CDK13: variants seen among roughly 807,000 people sequenced by gnomAD.
CDK13 encodes the protein cyclin-dependent kinase 13.
In CDK13, 40 loss-of-function variants were observed where a neutral mutation model predicts 137.6. That is an observed-to-expected ratio of 0.29 (90% CI 0.23 to 0.38). The LOEUF (loss-of-function observed/expected upper bound fraction) is 0.38, where lower values mean the gene tolerates loss of function less well. Ranked by LOEUF, CDK13 falls within the 10% of genes least tolerant of loss-of-function variation. The pLI, the probability that CDK13 is intolerant of heterozygous loss-of-function variation, is 1.00. For missense variants in CDK13, 1,704 were observed against 1,951.8 expected (o/e 0.87, Z 2.39); for synonymous variants, 869 against 760.1 (o/e 1.14, Z -2.36).
intron 1 of CDK13, among the ~76,000 whole-genome samples, chr7:39,979,285 C>T (rs1488913358): frequency 6.2e-5 from 9 of 145,088 alleles, no homozygotes; most frequent in Non-Finnish European, 1.3e-4. Context: ...GGCATGATCT[C>T]GGTTCACCGC....
rs187910281 is a variant in CDK13, at chr7:39,979,700, C to A, written c.1212-7899C>A. ...TTCAATCTCTGACTGTTACACCTTA[C>A]ATTTTAAGAGGAACTTCGTAGATAT... On this transcript the variant is annotated intron_variant, in intron 1 of 13. Transcript: ENST00000181839. Among the ~76,000 whole-genome samples the A allele has an allele frequency of 3.9e-4, 60 of 152,228 alleles. 1 individual carries two copies. The South Asian group carries it at 0.012, about 30-fold the overall frequency.
At chr7:40,084,050 G>A (rs574466902) in intron 11 of CDK13, among the ~76,000 whole-genome samples, 6 of 152,174 alleles carry the variant, frequency 3.9e-5, no homozygotes, top group South Asian at 4.1e-4. Flanking sequence ...TTTAAAAATC[G>A]GAAATAGGCT....
rs1330543192 is a variant in CDK13, at chr7:39,979,841, GT to G, written c.1212-7757del. 1.5e-4 allele frequency among the ~76,000 whole-genome samples: 23 copies of G among 152,142 alleles called. 1 individual carries two copies. The highest frequency in any genetic ancestry group is 3.1e-4 in the Non-Finnish European group (21 of 68,028). Reference sequence around the variant, plus strand: ...TGTAGGGTCTAGTCAGAGAACTCACGTGATGACAGGAATAGGAGAGAGAAAA... The same window carrying G: ...TGTAGGGTCTAGTCAGAGAACTCACGGATGACAGGAATAGGAGAGAGAAAA... On this transcript the variant is annotated intron_variant, in intron 1 of 13. Coordinates refer to ENST00000181839, the MANE Select transcript of CDK13 (RefSeq NM_003718.5).
At position 40,049,928 on chromosome 7, in the gene CDK13, A is replaced by AGACTTGAATAGTATTTCATTT. The variant is rs571074447; in HGVS notation, c.2600+2071_2600+2072insTGACTTGAATAGTATTTCATT. On this transcript the variant is annotated intron_variant, in intron 7 of 13. Transcript: ENST00000181839. ...ATGACAGGATTTCCTTGTTTTTTAA[A>AGACTTGAATAGTATTTCATTT]GACTTGAATAGTATTTCATTGTGCG... Among the ~76,000 whole-genome samples the AGACTTGAATAGTATTTCATTT allele has an allele frequency of 3.8e-3, 577 of 152,294 alleles. 1 individual carries two copies. The highest frequency in any genetic ancestry group is 0.012 in the African/African-American group (512 of 41,562).
At chr7:40,037,884 C>T (rs1031652109) in intron 5 of CDK13, among the ~76,000 whole-genome samples, 6 of 152,076 alleles carry the variant, frequency 3.9e-5, no homozygotes, top group African/African-American at 1.2e-4. Flanking sequence ...TTAAAATATA[C>T]CCCCCAGCTG....
At chr7:39,983,295 G>GT (rs1472053723) in intron 1 of CDK13, among the ~76,000 whole-genome samples, 1 of 152,126 alleles carries the variant, frequency 6.6e-6, no homozygotes, top group Non-Finnish European at 1.5e-5. Context: ...CCCATTGCTT[G>GT]TTTTTTCAGT....
At chr7:39,985,431 C>G (rs182243364) in intron 1 of CDK13, 1 of 154,230 alleles carries the variant, frequency 6.5e-6, no homozygotes, top group Non-Finnish European at 1.4e-5. Flanking sequence ...CTGCAATAAA[C>G]ATGGGAGTGC....
intron 11 of CDK13, among the ~76,000 whole-genome samples, chr7:40,080,401 G>A (rs1786640529): frequency 6.6e-6 from 1 of 152,122 alleles, no homozygotes; most frequent in African/African-American, 2.4e-5. Flanking sequence ...GAACAGACAT[G>A]GGCTCTGGAG....
intron 11 of CDK13, among the ~76,000 whole-genome samples, chr7:40,081,942 T>C (rs1354697299): frequency 2.0e-5 from 3 of 152,036 alleles, no homozygotes; most frequent in South Asian, 2.1e-4. Flanking sequence ...AAAGAAAAAA[T>C]TAGTAAATTT....
rs1376358248 is a variant in CDK13 at position 39,951,553 on chromosome 7, G to A, written c.912G>A (p.Lys304=). 1 of 1,538,642 alleles carries A rather than the reference G, an allele frequency of 6.5e-7. No homozygotes were observed. The highest frequency in any genetic ancestry group is 8.7e-7 in the Non-Finnish European group (1 of 1,145,292). ...KEPPKAYRED[K]TEPKAYRRRR... The stretch of plus-strand genomic sequence containing the variant: ...CGCCCAAGGCCTACCGGGAGGACAA[G>A]ACCGAGCCTAAGGCCTACAGGCGGC... The change falls in exon 1 of 14, where the codon AAG becomes AAA. Residue 304 remains lysine, a synonymous_variant. Coordinates refer to ENST00000181839, the MANE Select transcript of CDK13 (RefSeq NM_003718.5).
chr7:39,951,612 A>C lies in CDK13; in HGVS notation c.971A>C (p.Asp324Ala). 6.7e-7 allele frequency: 1 copy of C among 1,482,260 alleles called. No individual in the cohort carries two copies. Among genetic ancestry groups the C allele is most frequent in the Non-Finnish European group, 8.9e-7 (1 of 1,119,724 alleles). 91.8% of individuals were successfully genotyped at this position (1,482,260 alleles called of 1,614,324 possible). A position where few individuals can be genotyped will look rare whatever the true frequency, so the allele number is the denominator to read the frequency against. Reference protein sequence around the residue: ...RSLSPLGGRDDSPVSHRASQS... With the variant: ...RSLSPLGGRDASPVSHRASQS... ...CTCAGCCCACTGGGAGGCCGGGACG[A>C]CAGCCCGGTGTCCCACAGGGCCTCT... is the stretch of plus-strand genomic sequence containing the variant. Residue 324 changes from aspartate to alanine, a missense_variant, in exon 1 of 14, where the codon GAC becomes GCC. Coordinates refer to ENST00000181839, the MANE Select transcript of CDK13 (RefSeq NM_003718.5).
rs58010602 is a variant in CDK13 at position 40,024,645 on chromosome 7, G to GTTTTTTT, written c.2354-21164_2354-21158dup. Among the ~76,000 whole-genome samples, 117 of 50,276 alleles carry GTTTTTTT rather than the reference G, an allele frequency of 2.3e-3. 24 individuals are homozygous for GTTTTTTT. The highest frequency in any genetic ancestry group is 9.4e-3 in the African/African-American group (112 of 11,962). The allele number at this position is 50,276 out of a possible 152,430, so 33.0% of individuals were successfully genotyped here. A position where few individuals can be genotyped will look rare whatever the true frequency, so the allele number is the denominator to read the frequency against. ...TCTTCCAAGATATCTGTAGCTCTGT[G>GTTTTTTT]TTTTTTTTTTTTTTTTTTTTTTTTT... On this transcript the variant is annotated intron_variant, in intron 5 of 13. Coordinates refer to ENST00000181839, the MANE Select transcript of CDK13 (RefSeq NM_003718.5).
chr7:40,024,409 G>A (rs1244286556), intron 5 of CDK13, among the ~76,000 whole-genome samples: 1 of 152,068 alleles, frequency 6.6e-6, no homozygotes, highest in Non-Finnish European at 1.5e-5. Flanking sequence ...GAATTTTCTC[G>A]CCACTTTATA....
At chr7:40,048,882 T>A (rs995814352) in intron 7 of CDK13, 3 of 151,176 alleles carry the variant, frequency 2.0e-5, no homozygotes, top group Non-Finnish European at 4.4e-5. Context: ...TTGGATCTAT[T>A]CAAGTTCCAT....
Position 39,988,104 on chromosome 7 carries a change from A to G in CDK13, c.1717A>G (p.Thr573Ala), listed in dbSNP as rs1476242721. ...TGGAAAGGAGAGTAAATCTGCTGCT[A>G]CAAAGGAGGAATCAGTATCTCTTAA... ...IVGKESKSAA[T>A]KEESVSLKEK... The change falls in exon 2 of 14, where the codon ACA (threonine) becomes GCA (alanine). Residue 573 changes from threonine to alanine, a missense_variant. Coordinates refer to ENST00000181839, the MANE Select transcript of CDK13 (RefSeq NM_003718.5). 1 of 1,614,152 alleles carries G rather than the reference A, an allele frequency of 6.2e-7. No homozygotes were observed. The highest frequency in any genetic ancestry group is 1.3e-5 in the African/African-American group (1 of 75,036).
At chr7:40,008,249 C>A (rs111709141) in intron 5 of CDK13, among the ~76,000 whole-genome samples, 14 of 152,262 alleles carry the variant, frequency 9.2e-5, no homozygotes, top group African/African-American at 3.1e-4. Flanking sequence ...TACATAAAAT[C>A]AAAAGTTTAG....
At chr7:39,976,323 T>TCTCACACACACACACACACACACACA in intron 1 of CDK13, among the ~76,000 whole-genome samples, 4 of 39,582 alleles carry the variant, frequency 1.0e-4, no homozygotes, top group Admixed American at 3.2e-4. Flanking sequence ...TCTCTCTCTC[T>TCTCACACACACACACACACACACACA]CACACACACA....
In CDK13 at chr7:39,950,810, C is replaced by T. The variant is rs1318948420; in HGVS notation, c.169C>T (p.Pro57Ser). The part of the protein sequence containing the change: ...QLLQPPPPPP[P>S]LLFLAAPGTA... The stretch of plus-strand genomic sequence containing the variant: ...CCTGCAACCGCCGCCGCCCCCGCCG[C>T]CTCTGCTCTTCCTGGCTGCTCCCGG... The change falls in exon 1 of 14, where the codon CCT becomes TCT. Residue 57 changes from proline to serine, a missense_variant. This residue lies in a region of CDK13 where 1,051 missense variants were observed against 931.0 expected (regional missense o/e 1.13). Coordinates refer to ENST00000181839, the MANE Select transcript of CDK13 (RefSeq NM_003718.5). 2.7e-6 allele frequency: 4 copies of T among 1,455,238 alleles called. No homozygotes were observed. Among genetic ancestry groups the T allele is most frequent in the African/African-American group, 3.0e-5 (2 of 67,644 alleles). The allele number at this position is 1,455,238 out of a possible 1,614,324, so 90.1% of individuals were successfully genotyped here.
At chr7:39,969,717 G>A (rs1783953100) in intron 1 of CDK13, among the ~76,000 whole-genome samples, 3 of 151,818 alleles carry the variant, frequency 2.0e-5, no homozygotes, top group Admixed American at 6.6e-5. Context: ...TAGTGGATGT[G>A]TATTGGTATC....
Sources: gnomAD v4.1 joint callset for allele counts (sites outside exome capture counted in the v4.1 genomes callset) on GRCh38, gnomAD v4.1.1 for gene constraint, gnomAD v4.1.1 regional missense constraint, MANE v1.5 for transcripts, NCBI Gene and HGNC (gene_info 2026-07-23, HGNC 2026-07-21) for gene names.